MARCHF1: variants seen among roughly 807,000 people sequenced by gnomAD.
MARCHF1 encodes the protein membrane associated ring-CH-type finger 1.
In MARCHF1, 40 loss-of-function variants were observed where a neutral mutation model predicts 54.2. The ratio of observed to expected loss-of-function variants is 0.74; its 90% confidence interval spans 0.57 to 0.96. The LOEUF (loss-of-function observed/expected upper bound fraction) is 0.96. Among genes scored for constraint, MARCHF1 ranks in the 40% least tolerant of loss-of-function variants. The pLI is 0.00. For missense variants in MARCHF1, 586 were observed against 656.5 expected, an observed-to-expected ratio of 0.89 and a Z score of 1.17; for synonymous variants, 236 against 236.3, an observed-to-expected ratio of 1.00 and a Z score of 0.01.
At chr4:163,747,670 C>A (rs1341432790) in intron 4 of MARCHF1, among the ~76,000 whole-genome samples, 1 of 152,056 alleles carries the variant, frequency 6.6e-6, no homozygotes, top group Non-Finnish European at 1.5e-5. Flanking sequence ...AATAACATAA[C>A]AATATAACAA....
intron 1 of MARCHF1, among the ~76,000 whole-genome samples, chr4:164,119,494 A>T (rs1261939536): frequency 6.6e-6 from 1 of 151,586 alleles, no homozygotes; most frequent in East Asian, 1.9e-4. Context: ...AAAGTAAACC[A>T]AAAGAAAGCA....
chr4:164,340,297 C>T lies in MARCHF1; in HGVS notation c.-323+43573G>A, dbSNP rs537478737. On this transcript the variant is annotated intron_variant, in intron 1 of 9. Coordinates refer to ENST00000514618, the MANE Select transcript of MARCHF1 (RefSeq NM_001394959.1). The stretch of plus-strand genomic sequence containing the variant: ...TGTCACCCAGGCTGGAGTGCAGTGG[C>T]GTGATCTCAGCTTGCTGCAACCTCT... Among the ~76,000 whole-genome samples, 6 of 147,606 alleles carry T rather than the reference C, an allele frequency of 4.1e-5. No homozygotes were observed. The South Asian group carries it at 8.6e-4, about 21-fold the overall frequency.
chr4:163,592,501 A>C (rs1160103636), intron 7 of MARCHF1, among the ~76,000 whole-genome samples: 1 of 151,986 alleles, frequency 6.6e-6, no homozygotes, highest in Non-Finnish European at 1.5e-5. Flanking sequence ...CAAGAGTCGC[A>C]AGTAATCAGC....
At position 164,027,392 on chromosome 4, in the gene MARCHF1, A is replaced by AAAAAAAAAAAAAAAAAAAAAAT. The variant is rs1553971149; in HGVS notation, c.-247-38684_-247-38683insATTTTTTTTTTTTTTTTTTTTT. On this transcript the variant is annotated intron_variant, in intron 2 of 9. Transcript: ENST00000514618. ...AAAAAAAAAAAAAAAAAAAAAAAAA[A>AAAAAAAAAAAAAAAAAAAAAAT]AGATACATAGATAAATGGATCTATA... Among the ~76,000 whole-genome samples the AAAAAAAAAAAAAAAAAAAAAAT allele has an allele frequency of 2.6e-3, 153 of 59,006 alleles. 56 individuals carry two copies. Among genetic ancestry groups the AAAAAAAAAAAAAAAAAAAAAAT allele is most frequent in the Middle Eastern group, 0.013 (1 of 76 alleles). 38.7% of individuals were successfully genotyped at this position (59,006 alleles called of 152,430 possible). A position where few individuals can be genotyped will look rare whatever the true frequency, so the allele number is the denominator to read the frequency against.
At chr4:164,361,157 C>G (rs1185678341) in intron 1 of MARCHF1, among the ~76,000 whole-genome samples, 1 of 151,886 alleles carries the variant, frequency 6.6e-6, no homozygotes, top group South Asian at 2.1e-4. Context: ...AGTTTTAATC[C>G]CGACTCTACT....
At position 164,352,314 on chromosome 4, in the gene MARCHF1, T is replaced by A. The variant is rs1226085433; in HGVS notation, c.-323+31556A>T. On this transcript the variant is annotated intron_variant, in intron 1 of 9. Transcript: ENST00000514618. ...AACTCCAAGACACATAATTGTCAGA[T>A]TCACCAAAGTTGAAATGAAGGAAAA... is the stretch of plus-strand genomic sequence containing the variant. Among the ~76,000 whole-genome samples the A allele has an allele frequency of 3.7e-5, 4 of 107,644 alleles. No homozygotes were observed. In the Admixed American group the frequency reaches 4.1e-4, roughly 11 times the overall value. 70.6% of individuals were successfully genotyped at this position (107,644 alleles called of 152,430 possible).
chr4:164,028,719 C>G (rs1420628724), intron 2 of MARCHF1, among the ~76,000 whole-genome samples: 1 of 151,992 alleles, frequency 6.6e-6, no homozygotes, highest in African/African-American at 2.4e-5. Flanking sequence ...CCTCTTGAAT[C>G]TAAAATAAAA....
intron 7 of MARCHF1, among the ~76,000 whole-genome samples, chr4:163,595,204 T>C (rs1341973601): frequency 2.9e-5 from 4 of 137,274 alleles, no homozygotes; most frequent in African/African-American, 1.1e-4. Flanking sequence ...TCCATCAACT[T>C]ATCAATAGAG....
chr4:163,875,018 G>C (rs1750259803), intron 3 of MARCHF1, among the ~76,000 whole-genome samples: 1 of 152,142 alleles, frequency 6.6e-6, no homozygotes, highest in South Asian at 2.1e-4. Context: ...TATATGCAAT[G>C]AAATTTCTGA....
At chr4:164,077,668 T>G (rs750259073) in intron 2 of MARCHF1, among the ~76,000 whole-genome samples, 3 of 152,032 alleles carry the variant, frequency 2.0e-5, no homozygotes, top group Non-Finnish European at 4.4e-5. Flanking sequence ...TACAAAGAAC[T>G]TAAACAAATT....
At chr4:163,758,185 G>A (rs891634989) in intron 4 of MARCHF1, among the ~76,000 whole-genome samples, 1 of 152,098 alleles carries the variant, frequency 6.6e-6, no homozygotes, top group Non-Finnish European at 1.5e-5. Context: ...CAGTCACTTG[G>A]CTGAGGGATG....
At chr4:164,190,968 T>G (rs903304502) in intron 1 of MARCHF1, among the ~76,000 whole-genome samples, 8 of 152,218 alleles carry the variant, frequency 5.3e-5, no homozygotes, top group African/African-American at 1.4e-4. Context: ...TTGTTATTGT[T>G]GTGTGTTTGT....
At chr4:163,890,798 C>A (rs10016316) in intron 3 of MARCHF1, among the ~76,000 whole-genome samples, 10 of 152,024 alleles carry the variant, frequency 6.6e-5, no homozygotes, top group African/African-American at 2.4e-4. Context: ...TTTGACCCAC[C>A]GGAACCCGGC....
At chr4:163,562,265 C>G (rs1579065282) in intron 8 of MARCHF1, among the ~76,000 whole-genome samples, 2 of 151,986 alleles carry the variant, frequency 1.3e-5, no homozygotes, top group South Asian at 4.1e-4. Flanking sequence ...CCACTGCACT[C>G]CAGCCTGGCG....
chr4:164,167,172 T>C (rs1730403792), intron 1 of MARCHF1, among the ~76,000 whole-genome samples: 1 of 150,758 alleles, frequency 6.6e-6, no homozygotes, highest in South Asian at 2.1e-4. Context: ...AAATGTTTAC[T>C]AAACATTAGC....
intron 3 of MARCHF1, among the ~76,000 whole-genome samples, chr4:163,864,998 T>C (rs938506738): frequency 2.0e-5 from 3 of 151,950 alleles, no homozygotes; most frequent in African/African-American, 7.2e-5. Flanking sequence ...AGTTGTTTCA[T>C]TTTTCAAAAG....
Position 163,725,857 on chromosome 4 carries a change from T to C in MARCHF1, c.112-24994A>G, listed in dbSNP as rs572884013. Among the ~76,000 whole-genome samples the C allele has an allele frequency of 6.6e-5, 10 of 152,364 alleles. No individual in the cohort carries two copies. The South Asian group carries it at 2.1e-3, about 32-fold the overall frequency. On this transcript the variant is annotated intron_variant, in intron 4 of 9. Coordinates refer to ENST00000514618, the MANE Select transcript of MARCHF1 (RefSeq NM_001394959.1). Reference sequence around the variant, plus strand: ...AAAAGTTTTTAGCCTAACATACAGTTAATGTCTGTTTTTGTTAATTTTTAC... The same window carrying C: ...AAAAGTTTTTAGCCTAACATACAGTCAATGTCTGTTTTTGTTAATTTTTAC...
Position 163,526,794 on chromosome 4 carries a change from C to A in MARCHF1, c.*1954G>T, listed in dbSNP as rs1195760022. Reference sequence around the variant, plus strand: ...AAACCTTTTGTTTCCTGACTGAATACCTTAACATTTTCCCCGCATATATAC... The same window carrying A: ...AAACCTTTTGTTTCCTGACTGAATAACTTAACATTTTCCCCGCATATATAC... On this transcript the variant is annotated 3_prime_UTR_variant, in exon 10 of 10. Coordinates refer to ENST00000514618, the MANE Select transcript of MARCHF1 (RefSeq NM_001394959.1). The A allele has an allele frequency of 6.6e-6, 1 of 151,778 alleles. No homozygotes were observed. The highest frequency in any genetic ancestry group is 2.1e-4 in the South Asian group (1 of 4,818). The allele number at this position is 151,778 out of a possible 1,614,324, so 9.4% of individuals were successfully genotyped here. A position where few individuals can be genotyped will look rare whatever the true frequency, so the allele number is the denominator to read the frequency against.
chr4:163,923,766 T>TAAAA (rs201402327), intron 3 of MARCHF1, among the ~76,000 whole-genome samples: 4 of 141,326 alleles, frequency 2.8e-5, no homozygotes, highest in African/African-American at 1.0e-4. Flanking sequence ...GATAGAATTG[T>TAAAA]AAAAAAAAAA....
Sources: allele counts gnomAD v4.1 joint callset (sites outside exome capture counted in the v4.1 genomes callset), GRCh38; gene constraint gnomAD v4.1.1; transcripts MANE v1.5; gene names NCBI Gene and HGNC (gene_info 2026-07-23, HGNC 2026-07-21).